Variants in ACSM5 observed in about 807,000 individuals in gnomAD.
ACSM5 encodes the protein acyl-CoA synthetase medium chain family member 5.
ACSM5 carries 56 observed loss-of-function variants against 71.6 expected under a neutral mutation model. The ratio of observed to expected loss-of-function variants is 0.78; its 90% CI spans 0.63 to 0.98. ACSM5 has a LOEUF of 0.98. ACSM5 is among the 50% of genes least tolerant of loss of function. The pLI, the probability that ACSM5 is intolerant of heterozygous loss-of-function variation, is 0.00. For missense variants in ACSM5, 723 were observed against 726.0 expected (o/e 1.00, Z 0.05); for synonymous variants, 285 against 281.5 (o/e 1.01, Z -0.12).
intron 6 of ACSM5, among the ~76,000 whole-genome samples, chr16:20,424,560 A>T (rs1052226093): frequency 6.8e-6 from 1 of 147,168 alleles, no homozygotes; most frequent in Non-Finnish European, 1.5e-5. Context: ...ACATCCTGTC[A>T]TTCCTTAAAA....
In ACSM5 at chr16:20,440,447, C is replaced by T. The variant is rs774940656; in HGVS notation, c.*20C>T. Reference sequence around the variant, plus strand: ...AAATGAGGTGCACCCCAGGAAGGCCCCGTAGACCTCCGAAGACTCCACAAG... The same window carrying T: ...AAATGAGGTGCACCCCAGGAAGGCCTCGTAGACCTCCGAAGACTCCACAAG... On this transcript the variant is annotated 3_prime_UTR_variant, in exon 14 of 14. Coordinates refer to ENST00000331849, the MANE Select transcript of ACSM5 (RefSeq NM_017888.3). 1.9e-6 allele frequency: 3 copies of T among 1,596,400 alleles called. No individual in the cohort carries two copies. Among genetic ancestry groups the T allele is most frequent in the Non-Finnish European group, 2.6e-6 (3 of 1,163,840 alleles).
chr16:20,421,544 G>A (rs112953590), intron 5 of ACSM5, 143 bp downstream of exon 5: 25,296 of 708,390 alleles, frequency 0.036, 589 homozygotes, highest in South Asian at 0.066. Context: ...AGCTTAGGAA[G>A]GATCTTGATG....
In ACSM5 at chr16:20,431,579, C is replaced by T. The variant is rs539819728; in HGVS notation, c.1308+258C>T. Among the ~76,000 whole-genome samples, 9 of 152,112 alleles carry T rather than the reference C, an allele frequency of 5.9e-5. No homozygotes were observed. The South Asian group carries it at 6.2e-4, about 11-fold the overall frequency. On this transcript the variant is annotated intron_variant, in intron 10 of 13. Transcript: ENST00000331849. ...ATTTAAATGTGGGTGTGTCTGAAAG[C>T]GTAAACATGACATGAGGGCAGCACT... is the stretch of plus-strand genomic sequence containing the variant.
chr16:20,435,972 TTCC>T (rs1967185209), intron 10 of ACSM5, among the ~76,000 whole-genome samples: 2 of 151,328 alleles, frequency 1.3e-5, no homozygotes, highest in Non-Finnish European at 3.0e-5. Context: ...TCTTTCTTCC[TTCC>T]TTTTTTCTTT....
intron 2 of ACSM5, among the ~76,000 whole-genome samples, chr16:20,416,774 G>A (rs753283889): frequency 7.2e-5 from 11 of 152,046 alleles, no homozygotes; most frequent in Non-Finnish European, 1.6e-4. Flanking sequence ...CACAGAATAG[G>A]AGAAAATATC....
At chr16:20,421,551 G>C in intron 5 of ACSM5, 150 bp downstream of exon 5, 1 of 657,522 alleles carries the variant, frequency 1.5e-6, no homozygotes, top group Non-Finnish European at 2.1e-6. Flanking sequence ...GAAGGATCTT[G>C]ATGGTTCTGG....
In ACSM5 at chr16:20,418,096, T is replaced by A. The variant is rs760303604; in HGVS notation, c.242T>A (p.Val81Asp). The A allele has an allele frequency of 1.1e-5, 18 of 1,613,736 alleles. No individual in the cohort carries two copies. Among genetic ancestry groups the A allele is most frequent in the Non-Finnish European group, 1.4e-5 (16 of 1,179,942 alleles). ...CCCCCAAATCCTGCCTTCTGGTGGG[T>A]CAATGGCACAGGAGCAGAGATCAAG... ...HRPPNPAFWW[V>D]NGTGAEIKWS... Residue 81 changes from valine (V) to aspartate (D), a missense_variant, in exon 3 of 14, where the codon GTC becomes GAC. Physicochemically the swap from Val to Asp is radical, Grantham distance 152. Coordinates refer to ENST00000331849, the MANE Select transcript of ACSM5 (RefSeq NM_017888.3).
intron 2 of ACSM5, among the ~76,000 whole-genome samples, chr16:20,416,722 T>C (rs953004815): frequency 6.6e-6 from 1 of 152,082 alleles, no homozygotes; most frequent in Non-Finnish European, 1.5e-5. Context: ...TTAATTGGAC[T>C]TCATGAAAAT....
chr16:20,427,230 G>A (rs1267425404), intron 6 of ACSM5, among the ~76,000 whole-genome samples: 1 of 152,086 alleles, frequency 6.6e-6, no homozygotes, highest in Non-Finnish European at 1.5e-5. Context: ...AACCCGGGAG[G>A]CAGAGGTTGC....
At position 20,411,573 on chromosome 16, in the gene ACSM5, C is replaced by T; in HGVS notation, c.89C>T (p.Pro30Leu). The change falls in exon 2 of 14, where the codon CCT becomes CTT. Residue 30 changes from proline (P) to leucine (L), a missense_variant. Transcript: ENST00000331849. ...TCTCATGGGAAGCCAGCACCTCTAC[C>T]TGTTCCTCAGAAGATCGTGGCCACC... ...CGSHGKPAPL[P>L]VPQKIVATWE... 3.7e-6 allele frequency: 6 copies of T among 1,614,202 alleles called. No homozygotes were observed. Among genetic ancestry groups the T allele is most frequent in the Non-Finnish European group, 5.1e-6 (6 of 1,180,038 alleles).
intron 6 of ACSM5, 137 bp downstream of exon 6, chr16:20,424,206 T>C (rs1966933300): frequency 2.7e-6 from 3 of 1,128,860 alleles, no homozygotes; most frequent in South Asian, 1.6e-5. Context: ...TGGCCTTCCA[T>C]AATCTGGTTC....
In ACSM5 at chr16:20,419,294, C is replaced by T. The variant is rs531998936; in HGVS notation, c.482C>T (p.Ser161Phe). The change falls in exon 4 of 14, where the codon TCC becomes TTC. Residue 161 changes from serine (S) to phenylalanine (F), a missense_variant. Coordinates refer to ENST00000331849, the MANE Select transcript of ACSM5 (RefSeq NM_017888.3). ...GACCTCAAGTACCGGCTGCAGGCGTCCAGGGCCAAGTCCATTATCACCAGT... is the reference window on the plus strand; with the variant it reads ...GACCTCAAGTACCGGCTGCAGGCGTTCAGGGCCAAGTCCATTATCACCAGT... ...EKDLKYRLQASRAKSIITSDS... is the reference protein window; with the variant it reads ...EKDLKYRLQAFRAKSIITSDS... The T allele has an allele frequency of 9.4e-5, 151 of 1,614,014 alleles. No homozygotes were observed. Among genetic ancestry groups the T allele is most frequent in the Non-Finnish European group, 1.2e-4 (139 of 1,180,032 alleles).
chr16:20,416,127 A>C (rs931534872), intron 2 of ACSM5, among the ~76,000 whole-genome samples: 1 of 152,134 alleles, frequency 6.6e-6, no homozygotes, highest in African/African-American at 2.4e-5. Context: ...ATGGATTAAA[A>C]GAATTAATAT....
chr16:20,424,103 T>C (rs771538585), intron 6 of ACSM5, 34 bp downstream of exon 6: 1 of 1,611,636 alleles, frequency 6.2e-7, no homozygotes. Flanking sequence ...CCCATATGTG[T>C]TGGGTACAAA....
intron 10 of ACSM5, among the ~76,000 whole-genome samples, chr16:20,435,192 C>A (rs1444775597): frequency 6.6e-6 from 1 of 152,130 alleles, no homozygotes; most frequent in Admixed American, 6.5e-5. Flanking sequence ...GCCGCCACAC[C>A]TGGCTAGTTT....
In ACSM5 at chr16:20,429,649, A is replaced by G. The variant is rs368781360; in HGVS notation, c.1002-29A>G. 3.1e-6 allele frequency: 5 copies of G among 1,613,280 alleles called. No individual in the cohort carries two copies. In the African/African-American group the frequency reaches 4.0e-5, roughly 13 times the overall value. ...CGGGGTGATATGAAGATCCTGACATAGGTGGCCTTGTTTTCCTGTCTGAGA... is the reference window on the plus strand; with the variant it reads ...CGGGGTGATATGAAGATCCTGACATGGGTGGCCTTGTTTTCCTGTCTGAGA... On this transcript the variant is annotated intron_variant, in intron 7 of 13. Transcript: ENST00000331849.
rs762964045 is a variant in ACSM5, at chr16:20,424,002, C to T, written c.854C>T (p.Ala285Val). ...WVKAAWTLFSAWPNGSCIFVH... is the reference protein window; with the variant it reads ...WVKAAWTLFSVWPNGSCIFVH... ...AAGGCAGCCTGGACTCTCTTCTCTG[C>T]CTGGCCTAATGGATCTTGCATTTTT... is the stretch of plus-strand genomic sequence containing the variant. The change falls in exon 6 of 14, where the codon GCC becomes GTC. Residue 285 changes from alanine to valine, a missense_variant. Coordinates refer to ENST00000331849, the MANE Select transcript of ACSM5 (RefSeq NM_017888.3). 6.2e-7 allele frequency: 1 copy of T among 1,614,168 alleles called. No homozygotes were observed. The highest frequency in any genetic ancestry group is 8.5e-7 in the Non-Finnish European group (1 of 1,180,018).
At chr16:20,421,838 C>G (rs892850721) in intron 5 of ACSM5, among the ~76,000 whole-genome samples, 2 of 151,480 alleles carry the variant, frequency 1.3e-5, no homozygotes, top group African/African-American at 4.8e-5. Context: ...GAGAACTGTG[C>G]CCCCATTACC....
chr16:20,421,645 A>G (rs1966884181), intron 5 of ACSM5, among the ~76,000 whole-genome samples: 2 of 142,464 alleles, frequency 1.4e-5, no homozygotes, highest in South Asian at 2.2e-4. Flanking sequence ...ATATATATAT[A>G]TATATATATA....
Sources: allele counts gnomAD v4.1 joint callset (sites outside exome capture counted in the v4.1 genomes callset), GRCh38; gene constraint gnomAD v4.1.1; transcripts MANE v1.5; gene names NCBI Gene and HGNC (gene_info 2026-07-23, HGNC 2026-07-21).